Variants in ULK4 observed in about 807,000 individuals in gnomAD.
ULK4 encodes the protein unc-51 like kinase 4, also known as inactive serine/threonine-protein kinase ULK4.
Under a neutral mutation model 160.6 loss-of-function variants are expected in ULK4, and 133 were observed. The observed-to-expected ratio is 0.83, with a 90% CI of 0.72 to 0.96. ULK4 has a LOEUF of 0.96. Ranked by LOEUF, ULK4 falls within the 40% of genes least tolerant of loss-of-function variation. The pLI is 0.00. For synonymous variants in ULK4, 534 were observed against 539.8 expected (o/e 0.99, Z 0.15); for missense variants, 1,580 against 1,499.5 (o/e 1.05, Z -0.89).
intron 31 of ULK4, among the ~76,000 whole-genome samples, chr3:41,580,173 G>C (rs945454970): frequency 8.5e-5 from 13 of 152,102 alleles, no homozygotes; most frequent in Non-Finnish European, 1.3e-4. Context: ...CGCTGTGCAT[G>C]ACAACAGACA....
chr3:41,682,757 A>G (rs1032149863), intron 27 of ULK4, among the ~76,000 whole-genome samples: 4 of 152,234 alleles, frequency 2.6e-5, no homozygotes, highest in Admixed American at 1.3e-4. Context: ...GAAAGCACAG[A>G]TATCATGCTT....
chr3:41,913,144 T>G (rs1380254200), intron 8 of ULK4: 3 of 326,508 alleles, frequency 9.2e-6, no homozygotes, highest in Non-Finnish European at 1.6e-5. Flanking sequence ...CATTAGAAGT[T>G]TCAGGGTTCA....
intron 32 of ULK4, among the ~76,000 whole-genome samples, chr3:41,536,067 A>C (rs2086488120): frequency 6.6e-6 from 1 of 152,184 alleles, no homozygotes; most frequent in Non-Finnish European, 1.5e-5. Flanking sequence ...TTCAGATGCC[A>C]CATCCCACCC....
Position 41,789,789 on chromosome 3 carries a change from T to C in ULK4, c.2065A>G (p.Lys689Glu), listed in dbSNP as rs769725281. ...TTTATTACTGAGTTCAGTCCCACCTTTTCAATAACATTCTGGAAGGCAGTA... is the reference window on the plus strand; with the variant it reads ...TTTATTACTGAGTTCAGTCCCACCTCTTCAATAACATTCTGGAAGGCAGTA... Reference protein sequence around the residue: ...SPTAFQNVIEKVGLNSVINSL... With the variant: ...SPTAFQNVIEEVGLNSVINSL... Residue 689 changes from lysine (K) to glutamate (E), a missense_variant, in exon 21 of 37, where the codon AAG becomes GAG. Lys to Glu is a moderately conservative substitution (Grantham distance 56). Coordinates refer to ENST00000301831, the MANE Select transcript of ULK4 (RefSeq NM_017886.4). The C allele has an allele frequency of 2.5e-6, 4 of 1,613,540 alleles. No homozygotes were observed. The highest frequency in any genetic ancestry group is 3.4e-6 in the Non-Finnish European group (4 of 1,179,790).
intron 32 of ULK4, among the ~76,000 whole-genome samples, chr3:41,476,124 G>A (rs138457290): frequency 6.6e-6 from 1 of 151,978 alleles, no homozygotes; most frequent in African/African-American, 2.4e-5. Flanking sequence ...GGTTTGCATA[G>A]GGCTGACACC....
intron 17 of ULK4, among the ~76,000 whole-genome samples, chr3:41,860,102 T>C (rs906881406): frequency 1.3e-5 from 2 of 152,210 alleles, no homozygotes; most frequent in Non-Finnish European, 2.9e-5. Context: ...AGAGGCTTGA[T>C]ATTATTTCAA....
intron 32 of ULK4, among the ~76,000 whole-genome samples, chr3:41,504,721 T>C (rs1448449100): frequency 2.0e-5 from 3 of 152,184 alleles, no homozygotes; most frequent in South Asian, 4.1e-4. Context: ...TCTGAACATA[T>C]CCACATCAAT....
chr3:41,380,134 T>C (rs2081614821), intron 35 of ULK4, among the ~76,000 whole-genome samples: 1 of 152,074 alleles, frequency 6.6e-6, no homozygotes, highest in Non-Finnish European at 1.5e-5. Flanking sequence ...GTCTGACAGA[T>C]AAACACAAAA....
intron 32 of ULK4, among the ~76,000 whole-genome samples, chr3:41,471,748 GAAC>G (rs2083997453): frequency 1.3e-5 from 2 of 151,796 alleles, no homozygotes; most frequent in Admixed American, 1.3e-4. Flanking sequence ...ACATGTTCCT[GAAC>G]AACCAATGAG....
chr3:41,579,161 C>T (rs2030010442), intron 31 of ULK4, among the ~76,000 whole-genome samples: 5 of 152,086 alleles, frequency 3.3e-5, no homozygotes, highest in South Asian at 2.1e-4. Flanking sequence ...GAAGGCTTGG[C>T]GTTTTCATAT....
At chr3:41,870,654 T>C (rs1697053740) in intron 17 of ULK4, among the ~76,000 whole-genome samples, 1 of 152,194 alleles carries the variant, frequency 6.6e-6, no homozygotes, top group South Asian at 2.1e-4. Flanking sequence ...AAGTCTGCCA[T>C]TGGTACAATG....
intron 34 of ULK4, among the ~76,000 whole-genome samples, chr3:41,449,402 T>A (rs2083376068): frequency 6.6e-6 from 1 of 152,100 alleles, no homozygotes; most frequent in African/African-American, 2.4e-5. Context: ...GCGTATCCAG[T>A]GGAAATGTCC....
chr3:41,906,887 G>C (rs1048656828), intron 12 of ULK4, among the ~76,000 whole-genome samples: 1 of 152,104 alleles, frequency 6.6e-6, no homozygotes, highest in Non-Finnish European at 1.5e-5. Context: ...CAGCGACTTG[G>C]TAGGCTGAGG....
At position 41,642,877 on chromosome 3, in the gene ULK4, G is replaced by A. The variant is rs183715932; in HGVS notation, c.3071+20730C>T. Among the ~76,000 whole-genome samples the A allele has an allele frequency of 4.4e-3, 672 of 152,208 alleles. 4 individuals are homozygous for A. Among genetic ancestry groups the A allele is most frequent in the Non-Finnish European group, 7.7e-3 (525 of 68,016 alleles). On this transcript the variant is annotated intron_variant, in intron 30 of 36. Coordinates refer to ENST00000301831, the MANE Select transcript of ULK4 (RefSeq NM_017886.4). ...TTGTTTTCCTCACTTTTTAATGATC[G>A]CCATTCTAACTGGTGTGAGATGGTA...
intron 22 of ULK4, among the ~76,000 whole-genome samples, chr3:41,721,856 A>G (rs533188173): frequency 1.3e-5 from 2 of 152,340 alleles, no homozygotes; most frequent in South Asian, 4.1e-4. Context: ...ACTTTACAAA[A>G]GAAGTAAACC....
intron 18 of ULK4, among the ~76,000 whole-genome samples, chr3:41,833,918 C>T (rs886751517): frequency 6.6e-6 from 1 of 152,018 alleles, no homozygotes; most frequent in Admixed American, 6.6e-5. Flanking sequence ...CTATTCCTAA[C>T]AGTGTATAAC....
At chr3:41,305,744 T>C (rs1158436550) in intron 35 of ULK4, among the ~76,000 whole-genome samples, 1 of 147,652 alleles carries the variant, frequency 6.8e-6, no homozygotes, top group Non-Finnish European at 1.5e-5. Flanking sequence ...GGAGCGTCTC[T>C]GCCCGGCCGC....
rs142920103 is a variant in ULK4, at chr3:41,627,541, C to T, written c.3072-11824G>A. Among the ~76,000 whole-genome samples, 239 of 152,342 alleles carry T rather than the reference C, an allele frequency of 1.6e-3. 1 individual carries two copies. Among genetic ancestry groups the T allele is most frequent in the African/African-American group, 5.6e-3 (232 of 41,576 alleles). ...TCTCCATCTCCATCTACGCTCTCTG[C>T]CTTTCGGGCATCCACCTTGTCATGC... On this transcript the variant is annotated intron_variant, in intron 30 of 36. Coordinates refer to ENST00000301831, the MANE Select transcript of ULK4 (RefSeq NM_017886.4).
intron 32 of ULK4, among the ~76,000 whole-genome samples, chr3:41,540,693 G>C (rs2086666064): frequency 6.6e-6 from 1 of 152,114 alleles, no homozygotes; most frequent in African/African-American, 2.4e-5. Flanking sequence ...ATCCTCTCTA[G>C]CATCTGTTGT....
Sources: allele counts gnomAD v4.1 joint callset (sites outside exome capture counted in the v4.1 genomes callset), GRCh38; gene constraint gnomAD v4.1.1; transcripts MANE v1.5; gene names NCBI Gene and HGNC (gene_info 2026-07-23, HGNC 2026-07-21).